ADAMTS20: variants seen among roughly 807,000 people sequenced by gnomAD.
ADAMTS20 encodes the protein ADAM metallopeptidase with thrombospondin type 1 motif 20.
ADAMTS20 carries 225 observed loss-of-function variants against 260.1 expected under a neutral mutation model. The ratio of observed to expected loss-of-function variants is 0.87; its 90% CI spans 0.78 to 0.97. The LOEUF (loss-of-function observed/expected upper bound fraction) is 0.97. Among genes scored for constraint, ADAMTS20 ranks in the 50% least tolerant of loss-of-function variants. The probability of loss-of-function intolerance (pLI) is 0.00; values close to 1 mark genes in which losing one functional copy is unlikely to be tolerated. For missense variants in ADAMTS20, 2,400 were observed against 2,337.7 expected, an observed-to-expected ratio of 1.03 and a Z score of -0.55; for synonymous variants, 802 against 769.5, an observed-to-expected ratio of 1.04 and a Z score of -0.70.
chr12:43,528,347 G>GAAAAA (rs1565583137), intron 3 of ADAMTS20, among the ~76,000 whole-genome samples: 5 of 2,308 alleles, frequency 2.2e-3, no homozygotes, highest in Admixed American at 7.5e-3. Context: ...GCAATCCTAA[G>GAAAAA]CAAAAAAAAA....
rs924675319 is a variant in ADAMTS20, at chr12:43,396,224, A to G, written c.4452+2842T>C. On this transcript the variant is annotated intron_variant, in intron 29 of 38. Coordinates refer to ENST00000389420, the MANE Select transcript of ADAMTS20 (RefSeq NM_025003.5). ...CCTTTCGTTAAAAAAAAAGATACAA[A>G]TATCAAATGAAGAGTGTTCCTTCAA... 2.0e-5 allele frequency among the ~76,000 whole-genome samples: 3 copies of G among 152,176 alleles called. No homozygotes were observed. The South Asian group carries it at 6.2e-4, about 32-fold the overall frequency.
At position 43,406,144 on chromosome 12, in the gene ADAMTS20, G is replaced by T. The variant is rs1940915575; in HGVS notation, c.4285-6911C>A. ...ATCATGCAATACATAAAATAGAGTG[G>T]TTTTTCTTTAAACATCCACATATTA... is the stretch of plus-strand genomic sequence containing the variant. On this transcript the variant is annotated intron_variant, in intron 28 of 38. Coordinates refer to ENST00000389420, the MANE Select transcript of ADAMTS20 (RefSeq NM_025003.5). Among the ~76,000 whole-genome samples, 3 of 152,070 alleles carry T rather than the reference G, an allele frequency of 2.0e-5. No homozygotes were observed. The South Asian group carries it at 6.2e-4, about 31-fold the overall frequency.
chr12:43,462,868 C>A, intron 11 of ADAMTS20, 27 bp downstream of exon 11: 1 of 1,552,996 alleles, frequency 6.4e-7, no homozygotes, highest in Non-Finnish European at 8.8e-7. Context: ...TATCTTCATA[C>A]AAGACTCACC....
At chr12:43,511,781 A>G (rs1475796932) in intron 3 of ADAMTS20, among the ~76,000 whole-genome samples, 1 of 152,118 alleles carries the variant, frequency 6.6e-6, no homozygotes, top group Admixed American at 6.5e-5. Context: ...ATAAGGAAAC[A>G]CATTTTACAC....
chr12:43,492,738 T>C, intron 5 of ADAMTS20, 109 bp from the exon 6 acceptor site: 7 of 1,246,810 alleles, frequency 5.6e-6, no homozygotes, highest in Non-Finnish European at 6.7e-6. Flanking sequence ...CACAGGTGAA[T>C]GAAGGAGTGA....
In ADAMTS20 at chr12:43,432,740, C is replaced by A. The variant is rs1188028068; in HGVS notation, c.2792G>T (p.Cys931Phe). ...TCCTTCATGAATGGAATACTTCATG[C>A]AATGGATGTCCAAGGTTCTATATCC... ...GQGYRTLDIH[C>F]MKYSIHEGQT... Residue 931 changes from cysteine to phenylalanine, a missense_variant, in exon 20 of 39, where the codon TGC (cysteine) becomes TTC (phenylalanine). Cys to Phe is a radical substitution (Grantham distance 205, BLOSUM62 -2). Coordinates refer to ENST00000389420, the MANE Select transcript of ADAMTS20 (RefSeq NM_025003.5). The A allele has an allele frequency of 3.1e-6, 5 of 1,613,746 alleles. No individual in the cohort carries two copies. Among genetic ancestry groups the A allele is most frequent in the Non-Finnish European group, 4.2e-6 (5 of 1,179,798 alleles).
At chr12:43,400,400 A>G (rs1940786103) in intron 28 of ADAMTS20, among the ~76,000 whole-genome samples, 1 of 152,028 alleles carries the variant, frequency 6.6e-6, no homozygotes, top group Admixed American at 6.6e-5. Context: ...GTCTGGAGAA[A>G]ATTTACCTTT....
At chr12:43,475,647 T>C (rs1187321670) in intron 7 of ADAMTS20, among the ~76,000 whole-genome samples, 3 of 151,240 alleles carry the variant, frequency 2.0e-5, no homozygotes, top group African/African-American at 7.3e-5. Flanking sequence ...AAAACAGAGA[T>C]ATAGATCAAT....
Position 43,446,695 on chromosome 12 carries a change from G to T in ADAMTS20, c.2097C>A (p.His699Gln). The change falls in exon 15 of 39, where the codon CAC (histidine) becomes CAA (glutamine). Residue 699 changes from histidine (H) to glutamine (Q), a missense_variant. Transcript: ENST00000389420. ...QGQCMAAGCD[H>Q]VLNSSAKIDK... Reference sequence around the variant, plus strand: ...CTATCTTGGCACTGGAGTTTAACACGTGATCACAACCAGCTGCCTTCAAGA... The same window carrying T: ...CTATCTTGGCACTGGAGTTTAACACTTGATCACAACCAGCTGCCTTCAAGA... The T allele has an allele frequency of 6.2e-7, 1 of 1,612,984 alleles. No homozygotes were observed. Among genetic ancestry groups the T allele is most frequent in the Non-Finnish European group, 8.5e-7 (1 of 1,179,344 alleles).
intron 3 of ADAMTS20, among the ~76,000 whole-genome samples, chr12:43,531,639 G>C (rs545831467): frequency 2.0e-5 from 3 of 152,192 alleles, no homozygotes; most frequent in Non-Finnish European, 2.9e-5. Flanking sequence ...ACAGTTGCAG[G>C]CGGGAAGGAA....
At chr12:43,487,232 C>A (rs1272568969) in intron 7 of ADAMTS20, among the ~76,000 whole-genome samples, 1 of 152,132 alleles carries the variant, frequency 6.6e-6, no homozygotes, top group African/African-American at 2.4e-5. Context: ...ACTACTCAGA[C>A]ACACACACAA....
intron 14 of ADAMTS20, among the ~76,000 whole-genome samples, chr12:43,451,488 A>G (rs1941862708): frequency 7.5e-6 from 1 of 132,732 alleles, no homozygotes; most frequent in Non-Finnish European, 1.7e-5. Context: ...CAAGGAGTTA[A>G]GAAAAAAAAA....
chr12:43,506,370 C>T (rs1942842372), intron 3 of ADAMTS20, among the ~76,000 whole-genome samples: 1 of 151,936 alleles, frequency 6.6e-6, no homozygotes, highest in African/African-American at 2.4e-5. Flanking sequence ...TATATAGTCT[C>T]AGTTTGCAAG....
At chr12:43,542,088 C>T (rs1943384017) in intron 2 of ADAMTS20, among the ~76,000 whole-genome samples, 1 of 152,018 alleles carries the variant, frequency 6.6e-6, no homozygotes, top group Non-Finnish European at 1.5e-5. Context: ...TTCTTGTGGG[C>T]ACTGAGGTGT....
intron 37 of ADAMTS20, among the ~76,000 whole-genome samples, chr12:43,367,209 T>C (rs1197189190): frequency 6.6e-6 from 1 of 151,898 alleles, no homozygotes; most frequent in Non-Finnish European, 1.5e-5. Flanking sequence ...AGGCCACTAT[T>C]TCTGTGATAC....
At chr12:43,355,753 G>A (rs1939730343) in intron 38 of ADAMTS20, among the ~76,000 whole-genome samples, 1 of 151,972 alleles carries the variant, frequency 6.6e-6, no homozygotes, top group Non-Finnish European at 1.5e-5. Flanking sequence ...ATAAGTAATA[G>A]AAAGCATTTC....
intron 14 of ADAMTS20, among the ~76,000 whole-genome samples, chr12:43,447,210 T>C (rs1298000524): frequency 6.6e-6 from 1 of 151,340 alleles, no homozygotes; most frequent in African/African-American, 2.4e-5. Flanking sequence ...TTTAGGCCAA[T>C]ATCCTTGATG....
chr12:43,372,729 G>A (rs1375190378), intron 36 of ADAMTS20, among the ~76,000 whole-genome samples: 1 of 152,182 alleles, frequency 6.6e-6, no homozygotes, highest in Non-Finnish European at 1.5e-5. Context: ...GAGCCTAGAG[G>A]ACAAGGAGCA....
rs550796029 is a variant in ADAMTS20, at chr12:43,508,176, C to T, written c.614-5771G>A. Among the ~76,000 whole-genome samples the T allele has an allele frequency of 2.0e-5, 3 of 152,102 alleles. No homozygotes were observed. In the South Asian group the frequency reaches 6.2e-4, roughly 32 times the overall value. On this transcript the variant is annotated intron_variant, in intron 3 of 38. Transcript: ENST00000389420. ...AAATAAAATAAAATGATGAAAGAAA[C>T]AGTTTCTGTCTGAAATGAGAACACT... is the stretch of plus-strand genomic sequence containing the variant.
Sources: allele counts gnomAD v4.1 joint callset (sites outside exome capture counted in the v4.1 genomes callset), GRCh38; gene constraint gnomAD v4.1.1; transcripts MANE v1.5; gene names NCBI Gene and HGNC (gene_info 2026-07-23, HGNC 2026-07-21).